CPAMD8: variants seen among roughly 807,000 people sequenced by gnomAD.
CPAMD8 encodes the protein C3 and PZP-like alpha-2-macroglobulin domain-containing protein 8.
CPAMD8 carries 146 observed loss-of-function variants against 224.7 expected under a neutral mutation model. The ratio of observed to expected loss-of-function variants is 0.65; its 90% CI spans 0.57 to 0.75. The LOEUF is 0.75. Among genes scored for constraint, CPAMD8 ranks in the 30% least tolerant of loss-of-function variants. The pLI is 0.00. For synonymous variants in CPAMD8, 966 were observed against 1,044.6 expected (o/e 0.92, Z 1.45); for missense variants, 2,301 against 2,537.5 (o/e 0.91, Z 2.00).
intron 23 of CPAMD8, among the ~76,000 whole-genome samples, chr19:16,931,295 C>T (rs2053538632): frequency 6.6e-6 from 1 of 152,194 alleles, no homozygotes; most frequent in African/African-American, 2.4e-5. Flanking sequence ...CATCCAAGGG[C>T]CTTGAGACTC....
At chr19:16,994,515 C>CT (rs71180347) in intron 11 of CPAMD8, among the ~76,000 whole-genome samples, 42,445 of 104,444 alleles carry the variant, frequency 0.41, 10,028 homozygotes, top group East Asian at 0.53. Context: ...TAACCACTCC[C>CT]TTTTTTTTTT....
At chr19:17,001,752 TAGG>T (rs921933478) in intron 9 of CPAMD8, among the ~76,000 whole-genome samples, 1 of 133,144 alleles carries the variant, frequency 7.5e-6, no homozygotes, top group African/African-American at 2.9e-5. Flanking sequence ...TGTCTGCCTG[TAGG>T]AGGAGGGGGA....
intron 18 of CPAMD8, among the ~76,000 whole-genome samples, chr19:16,966,358 C>A (rs1255017917): frequency 6.6e-6 from 1 of 152,186 alleles, no homozygotes; most frequent in Non-Finnish European, 1.5e-5. Context: ...GGATTAAAGA[C>A]TTAAATGTTA....
intron 29 of CPAMD8, among the ~76,000 whole-genome samples, chr19:16,911,363 GTTC>G (rs1418591724): frequency 1.3e-5 from 2 of 148,958 alleles, no homozygotes; most frequent in African/African-American, 4.9e-5. Context: ...TTTTTTTTTT[GTTC>G]TTTTTTTTTT....
At chr19:17,007,400 G>A (rs752202534) in intron 7 of CPAMD8, among the ~76,000 whole-genome samples, 7 of 151,292 alleles carry the variant, frequency 4.6e-5, no homozygotes, top group Non-Finnish European at 1.0e-4. Context: ...GAAGGAGGAA[G>A]GAGGAAGAAG....
intron 20 of CPAMD8, among the ~76,000 whole-genome samples, chr19:16,950,856 C>CAA (rs1224575460): frequency 3.3e-5 from 5 of 151,218 alleles, no homozygotes; most frequent in South Asian, 2.1e-4. Flanking sequence ...GATTCTCCCT[C>CAA]AGGGCCTCCA....
chr19:17,012,485 C>T (rs1303001747), intron 3 of CPAMD8, among the ~76,000 whole-genome samples: 1 of 151,752 alleles, frequency 6.6e-6, no homozygotes, highest in African/African-American at 2.4e-5. Context: ...AGAGCTGGGA[C>T]TACAGGCATG....
At chr19:17,001,288 T>C (rs1599881266) in intron 9 of CPAMD8, among the ~76,000 whole-genome samples, 1 of 119,044 alleles carries the variant, frequency 8.4e-6, no homozygotes, top group Non-Finnish European at 1.6e-5. Flanking sequence ...GTCACTACAC[T>C]CCAGCCTGGG....
In CPAMD8 at chr19:16,914,816, G is replaced by A; in HGVS notation, c.3630-3C>T. 6.2e-7 allele frequency: 1 copy of A among 1,603,340 alleles called. No individual in the cohort carries two copies. The highest frequency in any genetic ancestry group is 8.5e-7 in the Non-Finnish European group (1 of 1,174,272). On this transcript the variant is annotated splice_region_variant and splice_polypyrimidine_tract_variant and intron_variant, in intron 27 of 41. Coordinates refer to ENST00000443236, the MANE Select transcript of CPAMD8 (RefSeq NM_015692.5). ...ACTTCAGGACAAAGGCTGTGAGCCT[G>A]AAAGAGGACAGGGTGTCAGCTGAGG... is the stretch of plus-strand genomic sequence containing the variant.
At chr19:16,928,259 G>A (rs2053436597) in intron 24 of CPAMD8, 25 bp from the exon 25 acceptor site, 2 of 1,597,606 alleles carry the variant, frequency 1.3e-6, no homozygotes, top group East Asian at 2.2e-5. Context: ...CAAGGCTGCT[G>A]GACGCTGGCA....
At chr19:16,930,111 C>T (rs578002410) in intron 23 of CPAMD8, among the ~76,000 whole-genome samples, 18 of 152,024 alleles carry the variant, frequency 1.2e-4, no homozygotes, top group African/African-American at 4.3e-4. Flanking sequence ...AAAAATTAGT[C>T]GGGCGTGGGG....
intron 27 of CPAMD8, among the ~76,000 whole-genome samples, chr19:16,915,351 C>T (rs1467232039): frequency 2.0e-5 from 3 of 151,960 alleles, no homozygotes; most frequent in East Asian, 1.9e-4. Context: ...CATTTTGCCA[C>T]CATGAGGGGT....
chr19:16,926,304 C>CTTTATTTTATTTTATTTTATTTTAT (rs559214843), intron 25 of CPAMD8, among the ~76,000 whole-genome samples: 1,543 of 150,532 alleles, frequency 0.01, 36 homozygotes, highest in African/African-American at 0.036. Flanking sequence ...TTCTTTCCTT[C>CTTTATTTTATTTTATTTTATTTTAT]TTTATTTTAT....
intron 23 of CPAMD8, among the ~76,000 whole-genome samples, chr19:16,936,651 C>A (rs1309397201): frequency 6.6e-6 from 1 of 152,148 alleles, no homozygotes; most frequent in East Asian, 1.9e-4. Context: ...AAGTGATCCA[C>A]CTGCCTCGGC....
chr19:16,919,614 T>G (rs969627639), intron 27 of CPAMD8, among the ~76,000 whole-genome samples: 1 of 152,264 alleles, frequency 6.6e-6, no homozygotes, highest in Non-Finnish European at 1.5e-5. Context: ...TTGTTTTAAA[T>G]GGCTACATTT....
At position 17,026,530 on chromosome 19, in the gene CPAMD8, C is replaced by G. The variant is rs781033648; in HGVS notation, c.92+21G>C. ...CACCCCAGAAGGCGACCGACCTCCTCTGTCGCCGGAGGATACTCACGGGGC... is the reference window on the plus strand; with the variant it reads ...CACCCCAGAAGGCGACCGACCTCCTGTGTCGCCGGAGGATACTCACGGGGC... On this transcript the variant is annotated intron_variant, in intron 1 of 41. Transcript: ENST00000443236. The G allele has an allele frequency of 7.4e-6, 11 of 1,483,064 alleles. No individual in the cohort carries two copies. In the South Asian group the frequency reaches 1.3e-4, roughly 17 times the overall value. 91.9% of individuals were successfully genotyped at this position (1,483,064 alleles called of 1,614,324 possible). A position where few individuals can be genotyped will look rare whatever the true frequency, so the allele number is the denominator to read the frequency against.
At chr19:17,002,474 C>G (rs956781266) in intron 8 of CPAMD8, 124 bp from the exon 9 acceptor site, 10 of 628,604 alleles carry the variant, frequency 1.6e-5, no homozygotes, top group Admixed American at 2.5e-5. Context: ...TGACACTGTA[C>G]CCATCCACAC....
In CPAMD8 at chr19:17,000,436, C is replaced by T. The variant is rs201650147; in HGVS notation, c.845G>A (p.Arg282His). Residue 282 changes from arginine (R) to histidine (H), a missense_variant, in exon 10 of 42, where the codon CGC becomes CAC. Physicochemically the swap from Arg to His is conservative, Grantham distance 29. This residue lies in a region of CPAMD8 where 301 missense variants were observed against 406.6 expected (regional missense o/e 0.74). Coordinates refer to ENST00000443236, the MANE Select transcript of CPAMD8 (RefSeq NM_015692.5). ...CACCTTGGTTGTTCTGAGGACAGGG[C>T]GTCCCACCTCGTGGCTGTAGTACCC... is the stretch of plus-strand genomic sequence containing the variant. ...GVGYYSHEVG[R>H]PVLRTTKILG... is the part of the protein sequence containing the mutation. 31 of 1,489,918 alleles carry T rather than the reference C, an allele frequency of 2.1e-5. No homozygotes were observed. The highest frequency in any genetic ancestry group is 6.7e-5 in the Admixed American group (4 of 59,814). 92.3% of individuals were successfully genotyped at this position (1,489,918 alleles called of 1,614,324 possible). A position where few individuals can be genotyped will look rare whatever the true frequency, so the allele number is the denominator to read the frequency against.
rs2056557928 is a variant in CPAMD8, at chr19:17,008,578, G to A, written c.505-19C>T. ...GGGGGTCCTGTTGGTGGTGGAGGGG[G>A]ACAGACACACGGAGTGAACTCAGGC... On this transcript the variant is annotated intron_variant, in intron 6 of 41. Coordinates refer to ENST00000443236, the MANE Select transcript of CPAMD8 (RefSeq NM_015692.5). The A allele has an allele frequency of 9.3e-6, 15 of 1,613,732 alleles. No homozygotes were observed. Among genetic ancestry groups the A allele is most frequent in the African/African-American group, 1.3e-5 (1 of 74,906 alleles).
Sources: allele counts gnomAD v4.1 joint callset (sites outside exome capture counted in the v4.1 genomes callset), GRCh38; gene constraint gnomAD v4.1.1; regional missense constraint gnomAD v4.1.1; transcripts MANE v1.5; gene names NCBI Gene and HGNC (gene_info 2026-07-23, HGNC 2026-07-21).